The following DNM3 variants were observed in gnomAD, a reference collection of about 807,000 sequenced individuals.
DNM3 encodes dynamin-3.
A neutral mutation model predicts 101.6 loss-of-function variants in DNM3; 47 were observed. That is an observed-to-expected ratio of 0.46 (90% confidence interval 0.37 to 0.59). The LOEUF is 0.59. Ranked by LOEUF, DNM3 falls within the 20% of genes least tolerant of loss-of-function variation. The probability of loss-of-function intolerance (pLI) is 0.00; values close to 1 mark genes in which losing one functional copy is unlikely to be tolerated. For synonymous variants in DNM3, 385 were observed against 387.9 expected (o/e 0.99, Z 0.09); for missense variants, 849 against 1,085.7 (o/e 0.78, Z 3.06).
rs190375910 is a variant in DNM3, at chr1:171,987,571, C to G, written c.236-85C>G. The G allele has an allele frequency of 4.1e-4, 548 of 1,351,886 alleles. 4 individuals carry two copies. In the African/African-American group the frequency reaches 7.1e-3, roughly 17 times the overall value. 83.7% of individuals were successfully genotyped at this position (1,351,886 alleles called of 1,614,324 possible). On this transcript the variant is annotated intron_variant, in intron 2 of 20. Coordinates refer to ENST00000627582, the MANE Select transcript of DNM3 (RefSeq NM_015569.5). ...AAGGAAGAAGAGAGAATATTGGATA[C>G]TTTGACTTATAATTAAAGAAACTTT...
intron 10 of DNM3, among the ~76,000 whole-genome samples, chr1:172,057,703 A>T (rs1308961142): frequency 1.3e-5 from 2 of 151,806 alleles, no homozygotes; most frequent in Non-Finnish European, 2.9e-5. Context: ...AGCACTAAAC[A>T]TGGAAAGGAA....
intron 1 of DNM3, among the ~76,000 whole-genome samples, chr1:171,867,090 AG>A: frequency 6.6e-6 from 1 of 152,380 alleles, no homozygotes; most frequent in East Asian, 1.9e-4. Flanking sequence ...TGAAGTCAGC[AG>A]GAACTCCACA....
chr1:172,278,208 G>A (rs115325269), intron 15 of DNM3, among the ~76,000 whole-genome samples: 3 of 151,596 alleles, frequency 2.0e-5, no homozygotes, highest in Non-Finnish European at 4.4e-5. Flanking sequence ...AATAGCTATG[G>A]TTTTTTTTCT....
chr1:172,244,155 G>A (rs1293486738), intron 14 of DNM3, among the ~76,000 whole-genome samples: 1 of 151,952 alleles, frequency 6.6e-6, no homozygotes, highest in African/African-American at 2.4e-5. Context: ...TGAGAATGAT[G>A]ATTTCCAATT....
chr1:172,276,677 A>G (rs2063304837), intron 15 of DNM3, among the ~76,000 whole-genome samples: 2 of 151,540 alleles, frequency 1.3e-5, no homozygotes, highest in South Asian at 4.2e-4. Context: ...TATTATTGAT[A>G]CCTTCAACCT....
intron 1 of DNM3, among the ~76,000 whole-genome samples, chr1:171,865,028 G>T (rs997680472): frequency 6.6e-6 from 1 of 152,010 alleles, no homozygotes; most frequent in Admixed American, 6.6e-5. Context: ...AGACATTCTT[G>T]TAATTCATAA....
intron 2 of DNM3, among the ~76,000 whole-genome samples, chr1:171,934,217 T>G (rs2041242435): frequency 1.3e-5 from 2 of 152,238 alleles, no homozygotes; most frequent in African/African-American, 2.4e-5. Context: ...AATAGGTGTG[T>G]AATTTTCTTG....
At chr1:172,154,539 T>C (rs1469911086) in intron 14 of DNM3, among the ~76,000 whole-genome samples, 1 of 152,128 alleles carries the variant, frequency 6.6e-6, no homozygotes, top group African/African-American at 2.4e-5. Flanking sequence ...CTGGTTTCCA[T>C]TTCTGTACTG....
chr1:172,201,392 T>G (rs1290677817), intron 14 of DNM3, among the ~76,000 whole-genome samples: 1 of 152,132 alleles, frequency 6.6e-6, no homozygotes, highest in Non-Finnish European at 1.5e-5. Context: ...TTCCCCAACT[T>G]GGAGACAACA....
Position 172,343,808 on chromosome 1 carries a change from T to C in DNM3, c.1893+20468T>C, listed in dbSNP as rs1223645480. Among the ~76,000 whole-genome samples, 3 of 151,764 alleles carry C rather than the reference T, an allele frequency of 2.0e-5. No homozygotes were observed. In the East Asian group the frequency reaches 5.9e-4, roughly 30 times the overall value. Reference sequence around the variant, plus strand: ...AGAATAATCGTGTTCAGAATGGTCCTTTTTTTTGCCAAAAGGTTTATTATG... The same window carrying C: ...AGAATAATCGTGTTCAGAATGGTCCCTTTTTTTGCCAAAAGGTTTATTATG... On this transcript the variant is annotated intron_variant, in intron 17 of 20. Coordinates refer to ENST00000627582, the MANE Select transcript of DNM3 (RefSeq NM_015569.5).
At chr1:172,361,531 A>C (rs2067740709) in intron 17 of DNM3, among the ~76,000 whole-genome samples, 1 of 151,974 alleles carries the variant, frequency 6.6e-6, no homozygotes, top group Non-Finnish European at 1.5e-5. Flanking sequence ...CAGGGTTCTC[A>C]AACTGGAGTA....
At chr1:171,907,815 T>C (rs1009304672) in intron 1 of DNM3, among the ~76,000 whole-genome samples, 4 of 152,222 alleles carry the variant, frequency 2.6e-5, no homozygotes, top group Admixed American at 2.0e-4. Flanking sequence ...TTTGTGATTT[T>C]CAGGATTTTG....
intron 11 of DNM3, among the ~76,000 whole-genome samples, chr1:172,072,560 A>C (rs1214236972): frequency 2.6e-5 from 4 of 152,188 alleles, no homozygotes; most frequent in African/African-American, 9.7e-5. Context: ...AATTATATAT[A>C]TGTATATGTG....
At chr1:172,399,231 G>A (rs1191010209) in intron 20 of DNM3, among the ~76,000 whole-genome samples, 5 of 152,098 alleles carry the variant, frequency 3.3e-5, no homozygotes, top group Admixed American at 6.6e-5. Context: ...TAAAAAAAGC[G>A]TCTGACAAGC....
chr1:172,037,578 G>A (rs1266310304), intron 6 of DNM3, among the ~76,000 whole-genome samples: 2 of 152,118 alleles, frequency 1.3e-5, no homozygotes, highest in East Asian at 1.9e-4. Context: ...TAGAAAGGCT[G>A]TAAGACCTAA....
At chr1:171,851,195 C>T (rs1392890156) in intron 1 of DNM3, among the ~76,000 whole-genome samples, 9 of 152,188 alleles carry the variant, frequency 5.9e-5, no homozygotes, top group Non-Finnish European at 1.3e-4. Context: ...ATCTACCGAA[C>T]AGTTGGTTGC....
At chr1:172,161,188 A>T (rs575528179) in intron 14 of DNM3, among the ~76,000 whole-genome samples, 70 of 148,790 alleles carry the variant, frequency 4.7e-4, no homozygotes, top group Admixed American at 4.5e-3. Flanking sequence ...ATATATTATT[A>T]TTATATATAT....
intron 2 of DNM3, among the ~76,000 whole-genome samples, chr1:171,928,491 G>T (rs1352388444): frequency 6.6e-6 from 1 of 152,162 alleles, no homozygotes; most frequent in African/African-American, 2.4e-5. Flanking sequence ...CCAGGGTGGA[G>T]GGTCTGTGCT....
intron 15 of DNM3, among the ~76,000 whole-genome samples, chr1:172,265,647 G>A (rs942232208): frequency 3.9e-5 from 6 of 152,150 alleles, no homozygotes; most frequent in Non-Finnish European, 8.8e-5. Context: ...TGCTCCTCCA[G>A]GTTTTTGTTC....
Sources: gnomAD v4.1 joint callset for allele counts (sites outside exome capture counted in the v4.1 genomes callset) on GRCh38, gnomAD v4.1.1 for gene constraint, MANE v1.5 for transcripts, NCBI Gene and HGNC (gene_info 2026-07-23, HGNC 2026-07-21) for gene names.